Variants in WDR70 observed in about 807,000 individuals in gnomAD.
WDR70 encodes WD repeat-containing protein 70.
A neutral mutation model predicts 88.6 loss-of-function variants in WDR70; 53 were observed. The ratio of observed to expected loss-of-function variants is 0.60; its 90% confidence interval spans 0.48 to 0.75. The LOEUF is 0.75. Among genes scored for constraint, WDR70 ranks in the 30% least tolerant of loss-of-function variants. The pLI, the probability that WDR70 is intolerant of heterozygous loss-of-function variation, is 0.00. For synonymous variants in WDR70, 280 were observed against 270.0 expected, an observed-to-expected ratio of 1.04 and a Z score of -0.36; for missense variants, 610 against 823.2, an observed-to-expected ratio of 0.74 and a Z score of 3.17.
chr5:37,415,757 G>T (rs1447422309), intron 5 of WDR70, among the ~76,000 whole-genome samples: 13 of 150,224 alleles, frequency 8.7e-5, no homozygotes, highest in Non-Finnish European at 1.8e-4. Flanking sequence ...TCTCAGACGG[G>T]GCGGCTGCCG....
At chr5:37,557,941 T>TCTTCAAAAGAGAACTCTTTTGAAA (rs1273640422) in intron 9 of WDR70, among the ~76,000 whole-genome samples, 2 of 52,146 alleles carry the variant, frequency 3.8e-5, no homozygotes, top group Admixed American at 2.1e-4. Context: ...CTCTTTTGAA[T>TCTTCAAAAGAGAACTCTTTTGAAA]ACTCTTCAAA....
At chr5:37,659,657 T>C (rs969062217) in intron 10 of WDR70, among the ~76,000 whole-genome samples, 2 of 152,178 alleles carry the variant, frequency 1.3e-5, no homozygotes, top group Non-Finnish European at 2.9e-5. Context: ...AAGTTCAAGA[T>C]CCAGGTGCCC....
chr5:37,533,753 C>T (rs1034015567), intron 9 of WDR70, among the ~76,000 whole-genome samples: 1 of 152,088 alleles, frequency 6.6e-6, no homozygotes, highest in African/African-American at 2.4e-5. Flanking sequence ...ATGGCTGCCT[C>T]TGCTGAGTTA....
intron 10 of WDR70, among the ~76,000 whole-genome samples, chr5:37,611,302 T>C (rs1358698750): frequency 1.3e-5 from 2 of 152,172 alleles, no homozygotes; most frequent in African/African-American, 2.4e-5. Flanking sequence ...GGCTGATAAT[T>C]GCATCTTTTT....
intron 10 of WDR70, among the ~76,000 whole-genome samples, chr5:37,673,068 A>G (rs1028916841): frequency 9.2e-5 from 14 of 151,922 alleles, no homozygotes; most frequent in African/African-American, 2.9e-4. Flanking sequence ...CCACCCTCCC[A>G]TAGGCCCCAG....
At chr5:37,534,722 G>A (rs544537190) in intron 9 of WDR70, among the ~76,000 whole-genome samples, 2 of 151,938 alleles carry the variant, frequency 1.3e-5, no homozygotes, top group East Asian at 1.9e-4. Flanking sequence ...CAGGTGATCC[G>A]CCCGCCTCAG....
intron 10 of WDR70, among the ~76,000 whole-genome samples, chr5:37,607,951 G>A (rs1481133620): frequency 6.6e-6 from 1 of 152,080 alleles, no homozygotes; most frequent in Non-Finnish European, 1.5e-5. Context: ...TGTGAGAGAG[G>A]GGGAAAGAAT....
intron 5 of WDR70, among the ~76,000 whole-genome samples, chr5:37,407,679 T>C (rs995941212): frequency 3.3e-5 from 5 of 152,176 alleles, no homozygotes; most frequent in African/African-American, 1.2e-4. Flanking sequence ...CTGTGCTTTT[T>C]TTTTTCCTTT....
chr5:37,563,489 C>A (rs1489050663), intron 9 of WDR70, among the ~76,000 whole-genome samples: 1 of 62,068 alleles, frequency 1.6e-5, no homozygotes, highest in African/African-American at 4.8e-5. Context: ...CTCCTCACTT[C>A]CCAGTAGGGG....
intron 17 of WDR70, among the ~76,000 whole-genome samples, chr5:37,730,093 A>G (rs1292840090): frequency 6.6e-6 from 1 of 152,148 alleles, no homozygotes; most frequent in African/African-American, 2.4e-5. Context: ...AAGTGTAATT[A>G]CAACATATGA....
chr5:37,632,347 T>TA (rs34508252), intron 10 of WDR70, among the ~76,000 whole-genome samples: 4,601 of 152,288 alleles, frequency 0.03, 245 homozygotes, highest in African/African-American at 0.1. Context: ...TCTACTTATT[T>TA]AAAAAAGCAG....
intron 9 of WDR70, among the ~76,000 whole-genome samples, chr5:37,558,756 C>T (rs1742392983): frequency 6.6e-6 from 1 of 152,056 alleles, no homozygotes; most frequent in African/African-American, 2.4e-5. Context: ...TTTAATTCCT[C>T]TATAGGGAAA....
chr5:37,545,146 C>T (rs762206768), intron 9 of WDR70, among the ~76,000 whole-genome samples: 7 of 151,782 alleles, frequency 4.6e-5, no homozygotes, highest in South Asian at 2.1e-4. Flanking sequence ...AGTTATTGAC[C>T]GCTATTTTTA....
chr5:37,409,085 C>T (rs1004660484), intron 5 of WDR70, among the ~76,000 whole-genome samples: 2 of 151,858 alleles, frequency 1.3e-5, no homozygotes, highest in African/African-American at 4.8e-5. Flanking sequence ...ATTACAGGCA[C>T]CTGCTACCAT....
chr5:37,437,664 T>G (rs1182794937), intron 5 of WDR70, among the ~76,000 whole-genome samples: 1 of 152,154 alleles, frequency 6.6e-6, no homozygotes, highest in Non-Finnish European at 1.5e-5. Context: ...CAATAAGAGA[T>G]AATTTTATAG....
intron 10 of WDR70, among the ~76,000 whole-genome samples, chr5:37,691,121 A>G (rs1280824416): frequency 6.6e-6 from 1 of 152,246 alleles, no homozygotes; most frequent in African/African-American, 2.4e-5. Flanking sequence ...ATCAAAAGAT[A>G]CAAAGCCATT....
intron 10 of WDR70, among the ~76,000 whole-genome samples, chr5:37,675,815 T>A (rs1176925173): frequency 6.6e-6 from 1 of 152,046 alleles, no homozygotes; most frequent in Non-Finnish European, 1.5e-5. Flanking sequence ...ATCTATAAAT[T>A]ACCTTGGGCA....
intron 17 of WDR70, among the ~76,000 whole-genome samples, chr5:37,751,722 A>G (rs1021969983): frequency 2.6e-5 from 4 of 152,238 alleles, no homozygotes; most frequent in Admixed American, 6.5e-5. Flanking sequence ...ATAAAATCAG[A>G]GTAGCATGAC....
At chr5:37,745,919 A>C (rs1296897736) in intron 17 of WDR70, among the ~76,000 whole-genome samples, 2 of 152,118 alleles carry the variant, frequency 1.3e-5, no homozygotes, top group Admixed American at 6.5e-5. Flanking sequence ...TCTCGATCAA[A>C]TGGACCTAGT....
Sources: allele counts gnomAD v4.1 joint callset (sites outside exome capture counted in the v4.1 genomes callset), GRCh38; gene constraint gnomAD v4.1.1; transcripts MANE v1.5; gene names NCBI Gene and HGNC (gene_info 2026-07-23, HGNC 2026-07-21).